SPAG17: variants seen among roughly 807,000 people sequenced by gnomAD.
SPAG17 encodes the protein sperm-associated antigen 17.
A neutral mutation model predicts 273.6 loss-of-function variants in SPAG17; 169 were observed. That is an observed-to-expected ratio of 0.62 (90% CI 0.55 to 0.70). The LOEUF is 0.70. Ranked by LOEUF, SPAG17 falls within the 30% of genes least tolerant of loss-of-function variation. The pLI, the probability that SPAG17 is intolerant of heterozygous loss-of-function variation, is 0.00. For missense variants in SPAG17, 2,557 were observed against 2,627.8 expected, an observed-to-expected ratio of 0.97 and a Z score of 0.59; for synonymous variants, 825 against 873.2, an observed-to-expected ratio of 0.94 and a Z score of 0.97.
At chr1:117,973,362 AAAAT>A (rs3831977) in intron 44 of SPAG17, 59 bp downstream of exon 44, 37,016 of 1,569,700 alleles carry the variant, frequency 0.024, 1,605 homozygotes, top group African/African-American at 0.13. Context: ...AAAAAAATAA[AAAAT>A]AAAGAATTCC....
intron 34 of SPAG17, among the ~76,000 whole-genome samples, chr1:117,995,479 T>C (rs529512603): frequency 6.6e-6 from 1 of 152,178 alleles, no homozygotes; most frequent in African/African-American, 2.4e-5. Context: ...AACAAACCAA[T>C]GTGAGATGAA....
chr1:118,174,083 G>A (rs1660566214), intron 1 of SPAG17, among the ~76,000 whole-genome samples: 1 of 151,896 alleles, frequency 6.6e-6, no homozygotes, highest in African/African-American at 2.4e-5. Flanking sequence ...TGGAACACAT[G>A]GCCCCATTGA....
At position 118,042,000 on chromosome 1, in the gene SPAG17, A is replaced by G. The variant is rs1266456430; in HGVS notation, c.2857T>C (p.Leu953=). 1 of 1,613,682 alleles carries G rather than the reference A, an allele frequency of 6.2e-7. No individual in the cohort carries two copies. The highest frequency in any genetic ancestry group is 8.5e-7 in the Non-Finnish European group (1 of 1,179,890). ...TTCTCTGCTTTCTTTTCTTCCCTTA[A>G]GCGCTCCTCTTCTGCTAATCGATGT... is the stretch of plus-strand genomic sequence containing the variant. The part of the protein sequence containing the change: ...EQHRLAEEER[L]REEKKAEKKG... The change falls in exon 21 of 49, where the codon TTA becomes CTA. Residue 953 remains leucine (L), a synonymous_variant. Coordinates refer to ENST00000336338, the MANE Select transcript of SPAG17 (RefSeq NM_206996.4).
intron 1 of SPAG17, among the ~76,000 whole-genome samples, chr1:118,156,233 G>A (rs1285670391): frequency 6.6e-6 from 1 of 152,164 alleles, no homozygotes; most frequent in African/African-American, 2.4e-5. Context: ...CATCTAGACT[G>A]TAAACTCATT....
chr1:118,033,219 A>C (rs1648684878), intron 24 of SPAG17, among the ~76,000 whole-genome samples: 1 of 152,006 alleles, frequency 6.6e-6, no homozygotes, highest in Non-Finnish European at 1.5e-5. Context: ...CCAGACCTAT[A>C]TTTCTCACTT....
At chr1:117,985,971 C>T (rs997261457) in intron 40 of SPAG17, among the ~76,000 whole-genome samples, 1 of 152,136 alleles carries the variant, frequency 6.6e-6, no homozygotes, top group Non-Finnish European at 1.5e-5. Context: ...CTAAAAGAGA[C>T]CTTAGATATT....
At chr1:118,092,040 C>T (rs773815931) in intron 8 of SPAG17, 38 bp from the exon 9 acceptor site, 2 of 1,567,614 alleles carry the variant, frequency 1.3e-6, no homozygotes, top group Non-Finnish European at 1.8e-6. Context: ...AACTGAGATA[C>T]CCAGCTGAGA....
At chr1:118,061,607 A>C (rs1412701213) in intron 18 of SPAG17, among the ~76,000 whole-genome samples, 2 of 152,324 alleles carry the variant, frequency 1.3e-5, no homozygotes, top group East Asian at 3.9e-4. Flanking sequence ...ATGTTAAAAG[A>C]AGGGATCACG....
At chr1:118,110,684 C>G (rs1656704808) in intron 4 of SPAG17, among the ~76,000 whole-genome samples, 1 of 152,120 alleles carries the variant, frequency 6.6e-6, no homozygotes, top group African/African-American at 2.4e-5. Context: ...GACCACTGTC[C>G]CCCTATTTAA....
intron 25 of SPAG17, among the ~76,000 whole-genome samples, chr1:118,029,805 C>T (rs1182960136): frequency 6.6e-6 from 1 of 152,084 alleles, no homozygotes; most frequent in East Asian, 1.9e-4. Flanking sequence ...TTGTTTTTTT[C>T]TAACTAGTCG....
intron 1 of SPAG17, among the ~76,000 whole-genome samples, chr1:118,156,712 C>T (rs1003942827): frequency 3.3e-5 from 5 of 152,238 alleles, no homozygotes; most frequent in Admixed American, 2.0e-4. Flanking sequence ...CCTACTTTCT[C>T]CCGTCTCCTA....
At chr1:118,006,308 T>A (rs561719475) in intron 31 of SPAG17, among the ~76,000 whole-genome samples, 3 of 152,236 alleles carry the variant, frequency 2.0e-5, no homozygotes, top group Non-Finnish European at 4.4e-5. Flanking sequence ...TGTCTATGGA[T>A]ATACCTATTC....
chr1:117,979,862 T>C (rs553321965), intron 43 of SPAG17, among the ~76,000 whole-genome samples: 65 of 152,282 alleles, frequency 4.3e-4, no homozygotes, highest in South Asian at 2.9e-3. Context: ...ACTCAACTAT[T>C]TTTTTACAAT....
rs558743804 is a variant in SPAG17, at chr1:118,117,097, C to A, written c.316-1656G>T. 3.9e-5 allele frequency among the ~76,000 whole-genome samples: 6 copies of A among 152,320 alleles called. No homozygotes were observed. The South Asian group carries it at 1.0e-3, about 26-fold the overall frequency. ...AATATTTGGTTTGCATTTTTCAATGCCAGCTAAATACTGTGCTGACAATCA... is the reference window on the plus strand; with the variant it reads ...AATATTTGGTTTGCATTTTTCAATGACAGCTAAATACTGTGCTGACAATCA... On this transcript the variant is annotated intron_variant, in intron 3 of 48. Transcript: ENST00000336338.
intron 24 of SPAG17, among the ~76,000 whole-genome samples, chr1:118,032,792 C>T (rs962151029): frequency 2.0e-5 from 3 of 151,952 alleles, no homozygotes; most frequent in Non-Finnish European, 4.4e-5. Flanking sequence ...CGGGGTTTCA[C>T]CATGTTGACC....
intron 32 of SPAG17, among the ~76,000 whole-genome samples, chr1:118,005,182 G>A (rs1658746557): frequency 6.6e-6 from 1 of 152,070 alleles, no homozygotes; most frequent in Admixed American, 6.6e-5. Flanking sequence ...TATTTATTTA[G>A]CCCTAACATT....
intron 31 of SPAG17, among the ~76,000 whole-genome samples, chr1:118,006,511 A>G (rs1658899369): frequency 6.6e-6 from 1 of 152,120 alleles, no homozygotes. Flanking sequence ...CATCATTTGC[A>G]TTGTTTTCAG....
chr1:117,973,003 T>A (rs1367305773), intron 44 of SPAG17, among the ~76,000 whole-genome samples: 5 of 152,216 alleles, frequency 3.3e-5, no homozygotes, highest in Admixed American at 6.5e-5. Flanking sequence ...ATCCTAAGAG[T>A]CATGGCAACG....
At chr1:118,010,143 A>G (rs1219943321) in intron 30 of SPAG17, among the ~76,000 whole-genome samples, 1 of 152,182 alleles carries the variant, frequency 6.6e-6, no homozygotes, top group Non-Finnish European at 1.5e-5. Flanking sequence ...TAAGAGGAAT[A>G]AATTAAAGAG....
Sources: gnomAD v4.1 joint callset for allele counts (sites outside exome capture counted in the v4.1 genomes callset) on GRCh38, gnomAD v4.1.1 for gene constraint, MANE v1.5 for transcripts, NCBI Gene and HGNC (gene_info 2026-07-23, HGNC 2026-07-21) for gene names.